CAST: variants seen among roughly 807,000 people sequenced by gnomAD.
CAST encodes the protein calpastatin, also known as MIR583 host.
A neutral mutation model predicts 119.6 loss-of-function variants in CAST; 76 were observed. The observed-to-expected ratio is 0.64, with a 90% confidence interval of 0.53 to 0.77. The LOEUF is 0.77. Among genes scored for constraint, CAST ranks in the 30% least tolerant of loss-of-function variants. The pLI is 0.00. For missense variants in CAST, 953 were observed against 946.5 expected (o/e 1.01, Z -0.09); for synonymous variants, 319 against 331.6 (o/e 0.96, Z 0.41).
the CAST span, among the ~76,000 whole-genome samples, chr5:96,149,859 G>T: frequency 6.6e-6 from 1 of 152,158 alleles, no homozygotes; most frequent in East Asian, 1.9e-4. Flanking sequence ...TTTAAACTTA[G>T]GTCTTTCAGG....
chr5:96,489,821 A>G, the CAST span, among the ~76,000 whole-genome samples: 1 of 152,222 alleles, frequency 6.6e-6, no homozygotes, highest in African/African-American at 2.4e-5. Context: ...CATTCCTGTC[A>G]CATAGATACA....
At chr5:96,218,979 T>C in the CAST span, among the ~76,000 whole-genome samples, 1 of 152,124 alleles carries the variant, frequency 6.6e-6, no homozygotes, top group Non-Finnish European at 1.5e-5. Context: ...AGGTGAAAAG[T>C]GGAGATATTA....
At chr5:96,036,657 A>G in the CAST span, among the ~76,000 whole-genome samples, 1 of 152,170 alleles carries the variant, frequency 6.6e-6, no homozygotes, top group South Asian at 2.1e-4. Flanking sequence ...TCTCTAGTGA[A>G]TAGGTAAGAC....
At chr5:96,218,950 A>C in the CAST span, among the ~76,000 whole-genome samples, 1 of 152,160 alleles carries the variant, frequency 6.6e-6, no homozygotes, top group South Asian at 2.1e-4. Context: ...ACTTAAGGTC[A>C]CTAAATCTCA....
the CAST span, chr5:96,213,291 A>T: frequency 3.3e-5 from 5 of 152,086 alleles, no homozygotes; most frequent in Non-Finnish European, 7.4e-5. Context: ...TGTTATATTT[A>T]TTTCAAATAT....
chr5:96,109,103 C>T, the CAST span, among the ~76,000 whole-genome samples: 1 of 152,248 alleles, frequency 6.6e-6, no homozygotes, highest in Non-Finnish European at 1.5e-5. Context: ...TGCGTGCACC[C>T]ACTGACCTGC....
At chr5:96,400,858 C>A in the CAST span, among the ~76,000 whole-genome samples, 1 of 119,844 alleles carries the variant, frequency 8.3e-6, no homozygotes, top group East Asian at 2.4e-4. Context: ...GAGGCCGAGG[C>A]GGGCGGATCA....
At chr5:96,551,690 C>T (rs1746129664) in intron 1 of CAST, among the ~76,000 whole-genome samples, 1 of 151,828 alleles carries the variant, frequency 6.6e-6, no homozygotes, top group Non-Finnish European at 1.5e-5. Flanking sequence ...CATGCAAAGA[C>T]ACACACAGGC....
rs762337182 is a variant in CAST, at chr5:96,730,837, A to G, written c.607A>G (p.Ile203Val). ...AGAGAGTGTTGCTGGTATCACTGCA[A>G]TATCTGGCAAGCCGGGTGACAAGGT... The part of the protein sequence containing the change: ...GGESVAGITA[I>V]SGKPGDKKKE... The change falls in exon 9 of 32, where the codon ATA (isoleucine) becomes GTA (valine). Residue 203 changes from isoleucine (I) to valine (V), a missense_variant. Ile to Val is a conservative substitution (Grantham distance 29). Transcript: ENST00000675179. 40 of 1,613,678 alleles carry G rather than the reference A, an allele frequency of 2.5e-5. No homozygotes were observed. The South Asian group carries it at 4.1e-4, about 16-fold the overall frequency.
At chr5:96,101,829 T>A in the CAST span, among the ~76,000 whole-genome samples, 3 of 152,036 alleles carry the variant, frequency 2.0e-5, no homozygotes, top group Admixed American at 2.0e-4. Flanking sequence ...AGCGAGTGAA[T>A]GTGGGATCTG....
At chr5:96,000,251 A>T in the CAST span, among the ~76,000 whole-genome samples, 2 of 152,012 alleles carry the variant, frequency 1.3e-5, no homozygotes. Flanking sequence ...AAAGTTTTAA[A>T]TTTTGATGTC....
the CAST span, among the ~76,000 whole-genome samples, chr5:96,269,006 T>A: frequency 3.3e-3 from 510 of 152,310 alleles, 1 homozygote; most frequent in African/African-American, 0.011. Flanking sequence ...TTGCTACTGC[T>A]GCTGTGTAAG....
the CAST span, among the ~76,000 whole-genome samples, chr5:96,496,441 G>T: frequency 1.3e-5 from 2 of 152,180 alleles, no homozygotes; most frequent in Non-Finnish European, 2.9e-5. Context: ...GATAGAGGTG[G>T]AATTTCTGTA....
chr5:96,751,408 T>C (rs1161990542), intron 20 of CAST, among the ~76,000 whole-genome samples: 1 of 152,220 alleles, frequency 6.6e-6, no homozygotes, highest in Non-Finnish European at 1.5e-5. Flanking sequence ...CTATGAAGTC[T>C]GTCCTGATCA....
At chr5:96,141,819 A>G in the CAST span, among the ~76,000 whole-genome samples, 2 of 152,212 alleles carry the variant, frequency 1.3e-5, no homozygotes, top group Non-Finnish European at 2.9e-5. Flanking sequence ...CAATGGGCAC[A>G]TGGTGTCAGC....
chr5:96,369,360 G>A, the CAST span, among the ~76,000 whole-genome samples: 2 of 151,882 alleles, frequency 1.3e-5, no homozygotes, highest in African/African-American at 4.8e-5. Flanking sequence ...TGAAATCTTT[G>A]TTTCTTCTAA....
At chr5:96,154,216 TG>T in the CAST span, among the ~76,000 whole-genome samples, 1 of 151,664 alleles carries the variant, frequency 6.6e-6, no homozygotes, top group Non-Finnish European at 1.5e-5. Context: ...AGGCAGAGCT[TG>T]CAGTGAGCCA....
At chr5:96,105,196 C>T in the CAST span, among the ~76,000 whole-genome samples, 1 of 151,422 alleles carries the variant, frequency 6.6e-6, no homozygotes, top group East Asian at 1.9e-4. Context: ...GACAATTTGA[C>T]TTCCTCTTTT....
chr5:96,276,957 T>G, the CAST span, among the ~76,000 whole-genome samples: 1 of 152,214 alleles, frequency 6.6e-6, no homozygotes, highest in Admixed American at 6.5e-5. Context: ...ATTTTGCAAC[T>G]TTAGATTGGT....
Sources: gnomAD v4.1 joint callset for allele counts (sites outside exome capture counted in the v4.1 genomes callset) on GRCh38, gnomAD v4.1.1 for gene constraint, MANE v1.5 for transcripts, NCBI Gene and HGNC (gene_info 2026-07-23, HGNC 2026-07-21) for gene names.